Variants in DNAH11 observed in about 807,000 individuals in gnomAD.
DNAH11 encodes the protein axonemal beta dynein heavy chain 11.
DNAH11 carries 442 observed loss-of-function variants against 526.0 expected under a neutral mutation model. The ratio of observed to expected loss-of-function variants is 0.84; its 90% CI spans 0.78 to 0.91. DNAH11 has a LOEUF of 0.91. DNAH11 is among the 40% of genes least tolerant of loss of function. DNAH11 has a pLI of 0.00. For missense variants in DNAH11, 6,989 were observed against 5,448.7 expected (o/e 1.28, Z -8.90); for synonymous variants, 2,461 against 1,935.9 (o/e 1.27, Z -7.12).
At chr7:21,674,871 C>A (rs1174832555) in intron 30 of DNAH11, among the ~76,000 whole-genome samples, 1 of 152,026 alleles carries the variant, frequency 6.6e-6, no homozygotes, top group South Asian at 2.1e-4. Flanking sequence ...AAAAAAAGAA[C>A]AAAAAACCAA....
intron 74 of DNAH11, among the ~76,000 whole-genome samples, chr7:21,875,978 G>A (rs185626441): frequency 6.9e-6 from 1 of 144,532 alleles, no homozygotes; most frequent in South Asian, 2.2e-4. Flanking sequence ...CCGCCTCCCA[G>A]GTTCACGCCA....
At chr7:21,900,797 C>T in intron 81 of DNAH11, 1 of 601,814 alleles carries the variant, frequency 1.7e-6, no homozygotes, top group Non-Finnish European at 2.6e-6. Flanking sequence ...AGTTTAACCA[C>T]TACGCATGGA....
At chr7:21,676,545 A>AAGATCCC (rs1782897590) in intron 30 of DNAH11, among the ~76,000 whole-genome samples, 1 of 152,220 alleles carries the variant, frequency 6.6e-6, no homozygotes, top group Non-Finnish European at 1.5e-5. Context: ...TAATCTTGAT[A>AAGATCCC]CACAGTATAA....
intron 42 of DNAH11, among the ~76,000 whole-genome samples, chr7:21,714,327 G>A (rs1332218584): frequency 6.6e-6 from 1 of 152,094 alleles, no homozygotes; most frequent in Non-Finnish European, 1.5e-5. Context: ...TTTCATATGT[G>A]TGACCAAATA....
intron 65 of DNAH11, among the ~76,000 whole-genome samples, chr7:21,825,492 A>G (rs1790245856): frequency 6.6e-6 from 1 of 152,190 alleles, no homozygotes; most frequent in Admixed American, 6.5e-5. Context: ...AGTATATAAG[A>G]ATTGTGGAGT....
chr7:21,706,719 C>T (rs1784277937), intron 39 of DNAH11, among the ~76,000 whole-genome samples: 1 of 152,222 alleles, frequency 6.6e-6, no homozygotes, highest in Non-Finnish European at 1.5e-5. Context: ...CCGAGATACC[C>T]GGAACACTGC....
At chr7:21,657,275 A>C (rs1782053542) in intron 29 of DNAH11, among the ~76,000 whole-genome samples, 1 of 152,162 alleles carries the variant, frequency 6.6e-6, no homozygotes. Context: ...ATCAGATGCT[A>C]GGTCAGGCTT....
intron 62 of DNAH11, among the ~76,000 whole-genome samples, chr7:21,806,912 G>T (rs1227837653): frequency 2.6e-5 from 4 of 152,088 alleles, no homozygotes; most frequent in Admixed American, 2.6e-4. Context: ...GTATTGTGAA[G>T]TCCTGATTTC....
At chr7:21,813,102 C>G (rs1404877776) in intron 63 of DNAH11, among the ~76,000 whole-genome samples, 2 of 152,092 alleles carry the variant, frequency 1.3e-5, no homozygotes, top group Non-Finnish European at 2.9e-5. Flanking sequence ...CTGAAAAGGA[C>G]AGGGGCTGTG....
rs182441500 is a variant in DNAH11 at position 21,667,978 on chromosome 7, T to C, written c.5328+8947T>C. 4.3e-3 allele frequency among the ~76,000 whole-genome samples: 659 copies of C among 152,256 alleles called. 1 individual carries two copies. The highest frequency in any genetic ancestry group is 6.1e-3 in the Non-Finnish European group (412 of 67,978). On this transcript the variant is annotated intron_variant, in intron 30 of 81. Transcript: ENST00000409508. ...GGACCCTGTTTCAATGATTTTATCATGGGAAAGGTAAACACCATGTTACAT... is the reference window on the plus strand; with the variant it reads ...GGACCCTGTTTCAATGATTTTATCACGGGAAAGGTAAACACCATGTTACAT...
At chr7:21,554,948 T>C (rs142578027) in intron 2 of DNAH11, among the ~76,000 whole-genome samples, 68 of 152,326 alleles carry the variant, frequency 4.5e-4, no homozygotes, top group African/African-American at 1.5e-3. Flanking sequence ...GGTCTGCAGG[T>C]CTTTCTTCCT....
intron 79 of DNAH11, among the ~76,000 whole-genome samples, chr7:21,896,214 T>C (rs1465939404): frequency 6.6e-6 from 1 of 152,228 alleles, no homozygotes; most frequent in Non-Finnish European, 1.5e-5. Flanking sequence ...CATCATTGCT[T>C]TTTTTGTATC....
At chr7:21,810,198 G>T (rs1789452775) in intron 63 of DNAH11, among the ~76,000 whole-genome samples, 1 of 152,144 alleles carries the variant, frequency 6.6e-6, no homozygotes, top group African/African-American at 2.4e-5. Flanking sequence ...TAATAGATTT[G>T]CACGATGTAA....
At chr7:21,744,849 T>G (rs747708898) in intron 50 of DNAH11, 21 bp from the exon 51 acceptor site, 1 of 1,591,614 alleles carries the variant, frequency 6.3e-7, no homozygotes, top group South Asian at 1.2e-5. Context: ...ATGCCATATT[T>G]TTCTCTTTCT....
chr7:21,616,395 T>G, intron 22 of DNAH11, 103 bp downstream of exon 22: 1 of 862,680 alleles, frequency 1.2e-6, no homozygotes, highest in Non-Finnish European at 1.8e-6. Flanking sequence ...CATGTACTTA[T>G]TTACTTCTAA....
At chr7:21,618,834 C>T (rs947301937) in intron 23 of DNAH11, among the ~76,000 whole-genome samples, 7 of 152,052 alleles carry the variant, frequency 4.6e-5, no homozygotes, top group Non-Finnish European at 8.8e-5. Flanking sequence ...AGATAAGAAA[C>T]GTGCCGACAA....
intron 28 of DNAH11, among the ~76,000 whole-genome samples, chr7:21,654,768 C>G (rs994693949): frequency 9.2e-5 from 14 of 152,172 alleles, no homozygotes; most frequent in Admixed American, 3.3e-4. Flanking sequence ...CTCAGTCTAC[C>G]TCAAGAGAGA....
At chr7:21,815,901 A>G (rs758818587) in intron 63 of DNAH11, among the ~76,000 whole-genome samples, 13 of 152,076 alleles carry the variant, frequency 8.5e-5, no homozygotes, top group African/African-American at 2.7e-4. Context: ...TTGCAACGCA[A>G]TCAAGGCATA....
Position 21,867,718 on chromosome 7 carries a change from T to C in DNAH11, c.11691-141T>C, listed in dbSNP as rs886829387. The C allele has an allele frequency of 4.7e-5, 33 of 705,920 alleles. No homozygotes were observed. In the Admixed American group the frequency reaches 7.9e-4, roughly 17 times the overall value. 43.7% of individuals were successfully genotyped at this position (705,920 alleles called of 1,614,324 possible). On this transcript the variant is annotated intron_variant, in intron 71 of 81. Transcript: ENST00000409508. ...TACCGCATACATCTAGCTGGATTCATATTGTTATTCTAACAAGACATCCCA... is the reference window on the plus strand; with the variant it reads ...TACCGCATACATCTAGCTGGATTCACATTGTTATTCTAACAAGACATCCCA...
Sources: gnomAD v4.1 joint callset for allele counts (sites outside exome capture counted in the v4.1 genomes callset) on GRCh38, gnomAD v4.1.1 for gene constraint, MANE v1.5 for transcripts, NCBI Gene and HGNC (gene_info 2026-07-23, HGNC 2026-07-21) for gene names.